NDST4: variants seen among roughly 807,000 people sequenced by gnomAD.
The protein encoded by NDST4 is N-heparan sulfate sulfotransferase 4.
A neutral mutation model predicts 100.8 loss-of-function variants in NDST4; 63 were observed. The observed-to-expected ratio is 0.62, with a 90% CI of 0.51 to 0.77. NDST4 has a LOEUF of 0.77. Among genes scored for constraint, NDST4 ranks in the 30% least tolerant of loss-of-function variants. The pLI is 0.00. For synonymous variants in NDST4, 377 were observed against 361.8 expected (o/e 1.04, Z -0.48); for missense variants, 943 against 1,018.4 (o/e 0.93, Z 1.01).
At chr4:115,041,046 T>C (rs967290889) in intron 2 of NDST4, among the ~76,000 whole-genome samples, 14 of 152,066 alleles carry the variant, frequency 9.2e-5, no homozygotes, top group Non-Finnish European at 1.9e-4. Flanking sequence ...AGTTTCTCTT[T>C]ATAAAGGTAT....
intron 2 of NDST4, among the ~76,000 whole-genome samples, chr4:115,019,875 G>A (rs1727771597): frequency 6.6e-6 from 1 of 151,998 alleles, no homozygotes; most frequent in African/African-American, 2.4e-5. Flanking sequence ...TCTGCTACGG[G>A]ATGATGCAGC....
At chr4:115,012,180 A>T (rs756214210) in intron 2 of NDST4, among the ~76,000 whole-genome samples, 4 of 152,018 alleles carry the variant, frequency 2.6e-5, no homozygotes, top group African/African-American at 9.7e-5. Flanking sequence ...ATCCCATCAT[A>T]AAACAAATGA....
At chr4:114,935,059 A>G in intron 6 of NDST4, 147 bp downstream of exon 6, 1 of 591,818 alleles carries the variant, frequency 1.7e-6, no homozygotes, top group Non-Finnish European at 2.4e-6. Flanking sequence ...TTTATCAAGA[A>G]AAGTATTTTA....
chr4:114,979,132 C>T (rs1377882635), intron 2 of NDST4, among the ~76,000 whole-genome samples: 2 of 151,856 alleles, frequency 1.3e-5, no homozygotes, highest in Admixed American at 6.6e-5. Context: ...TGCTATTTCT[C>T]TCTTTATTCT....
At chr4:115,017,840 C>T (rs1390490225) in intron 2 of NDST4, among the ~76,000 whole-genome samples, 1 of 151,828 alleles carries the variant, frequency 6.6e-6, no homozygotes, top group African/African-American at 2.4e-5. Context: ...CAGTGCCCAA[C>T]CACATAGCCT....
chr4:115,060,180 G>T (rs1728787755), intron 2 of NDST4, among the ~76,000 whole-genome samples: 1 of 151,924 alleles, frequency 6.6e-6, no homozygotes, highest in Non-Finnish European at 1.5e-5. Flanking sequence ...GCCAATCAAT[G>T]TGTTCCTTCT....
At chr4:114,959,399 G>C (rs1383089767) in intron 4 of NDST4, among the ~76,000 whole-genome samples, 1 of 151,384 alleles carries the variant, frequency 6.6e-6, no homozygotes, top group Non-Finnish European at 1.5e-5. Context: ...TAAAGAAAAA[G>C]AGGTTTAATA....
rs188795664 is a variant in NDST4 at position 115,065,600 on chromosome 4, A to T, written c.978+10459T>A. 3.3e-4 allele frequency among the ~76,000 whole-genome samples: 47 copies of T among 140,444 alleles called. 1 individual carries two copies. The highest frequency in any genetic ancestry group is 1.5e-3 in the African/African-American group (47 of 30,598). 92.1% of individuals were successfully genotyped at this position (140,444 alleles called of 152,430 possible). A position where few individuals can be genotyped will look rare whatever the true frequency, so the allele number is the denominator to read the frequency against. ...GAATACCTTATTTTAAGATACAATC[A>T]TTAGTATGATTGTATTATTGTAACA... On this transcript the variant is annotated intron_variant, in intron 2 of 13. Transcript: ENST00000264363.
chr4:114,956,102 T>C (rs898025037), intron 4 of NDST4: 1 of 152,252 alleles, frequency 6.6e-6, no homozygotes, highest in Non-Finnish European at 1.5e-5. Flanking sequence ...AATTTTAATT[T>C]TCCCTTGCCT....
At chr4:115,025,823 A>T (rs576889195) in intron 2 of NDST4, among the ~76,000 whole-genome samples, 1 of 152,304 alleles carries the variant, frequency 6.6e-6, no homozygotes, top group East Asian at 1.9e-4. Flanking sequence ...TCCAAGGTAC[A>T]TATCTATGCG....
intron 6 of NDST4, among the ~76,000 whole-genome samples, chr4:114,896,320 G>A (rs554423544): frequency 1.3e-5 from 2 of 152,038 alleles, no homozygotes; most frequent in Non-Finnish European, 2.9e-5. Context: ...ATCATCACCT[G>A]CTGTTAAATT....
chr4:114,904,546 G>A (rs768189076), intron 6 of NDST4, among the ~76,000 whole-genome samples: 5 of 151,784 alleles, frequency 3.3e-5, no homozygotes, highest in Non-Finnish European at 7.4e-5. Flanking sequence ...AAAAATGTGT[G>A]TTTTTATGCC....
intron 6 of NDST4, among the ~76,000 whole-genome samples, chr4:114,926,346 A>T (rs1424064267): frequency 6.6e-6 from 1 of 152,102 alleles, no homozygotes. Context: ...TATCCAGGGA[A>T]ATCAAGAAAC....
At chr4:114,874,696 A>G (rs1724222010) in intron 6 of NDST4, among the ~76,000 whole-genome samples, 1 of 152,232 alleles carries the variant, frequency 6.6e-6, no homozygotes, top group Non-Finnish European at 1.5e-5. Context: ...ACAAACAAAT[A>G]AAACCTATTT....
intron 2 of NDST4, among the ~76,000 whole-genome samples, chr4:114,979,986 T>C (rs1726729851): frequency 6.6e-6 from 1 of 151,824 alleles, no homozygotes; most frequent in South Asian, 2.1e-4. Context: ...ACAATGAATA[T>C]ACACAAAATG....
intron 2 of NDST4, among the ~76,000 whole-genome samples, chr4:115,061,404 A>C (rs1728816645): frequency 6.6e-6 from 1 of 152,146 alleles, no homozygotes; most frequent in Non-Finnish European, 1.5e-5. Flanking sequence ...CTGGATAAAG[A>C]AAATGTGGCA....
intron 4 of NDST4, among the ~76,000 whole-genome samples, chr4:114,946,155 G>A (rs1183549699): frequency 6.6e-6 from 1 of 152,160 alleles, no homozygotes; most frequent in Non-Finnish European, 1.5e-5. Flanking sequence ...TGTATAAAAT[G>A]TGCCATTTCT....
At chr4:115,046,699 T>G (rs6533830) in intron 2 of NDST4, among the ~76,000 whole-genome samples, 14,375 of 152,102 alleles carry the variant, frequency 0.095, 2,090 homozygotes, top group African/African-American at 0.31. Context: ...TAAGAGTTAT[T>G]TCTGTTAAGC....
chr4:115,093,734 T>C (rs1729567096), intron 1 of NDST4, among the ~76,000 whole-genome samples: 1 of 152,048 alleles, frequency 6.6e-6, no homozygotes, highest in South Asian at 2.1e-4. Flanking sequence ...TGCTCCTGTA[T>C]TTAAAATTTA....
Sources: allele counts gnomAD v4.1 joint callset (sites outside exome capture counted in the v4.1 genomes callset), GRCh38; gene constraint gnomAD v4.1.1; transcripts MANE v1.5; gene names NCBI Gene and HGNC (gene_info 2026-07-23, HGNC 2026-07-21).